DLG1: variants seen among roughly 807,000 people sequenced by gnomAD.
DLG1 encodes the protein discs large MAGUK scaffold protein 1.
DLG1 carries 42 observed loss-of-function variants against 123.4 expected under a neutral mutation model. That is an observed-to-expected ratio of 0.34 (90% CI 0.27 to 0.44). The LOEUF (loss-of-function observed/expected upper bound fraction) is 0.44, where lower values mean the gene tolerates loss of function less well. Among genes scored for constraint, DLG1 ranks in the 20% least tolerant of loss-of-function variants. The pLI, the probability that DLG1 is intolerant of heterozygous loss-of-function variation, is 1.00. For missense variants in DLG1, 942 were observed against 1,082.6 expected (o/e 0.87, Z 1.82); for synonymous variants, 317 against 356.2 (o/e 0.89, Z 1.24).
chr3:197,170,226 G>A lies in DLG1; in HGVS notation c.484-20430C>T, dbSNP rs575645720. Among the ~76,000 whole-genome samples the A allele has an allele frequency of 2.6e-5, 4 of 152,250 alleles. No homozygotes were observed. The East Asian group carries it at 5.8e-4, about 22-fold the overall frequency. ...GAATAGTGCTGCAATGAACCTAAGC[G>A]TTCATGTCTTTATAACAGAACAATT... On this transcript the variant is annotated intron_variant, in intron 5 of 24. Coordinates refer to ENST00000667157, the MANE Select transcript of DLG1 (RefSeq NM_001366207.1).
chr3:197,097,580 C>CTTTTTTTTTTTTTTTTT (rs3051908), intron 14 of DLG1, among the ~76,000 whole-genome samples: 2 of 122,856 alleles, frequency 1.6e-5, no homozygotes, highest in Admixed American at 8.9e-5. Context: ...TTTGTACTTT[C>CTTTTTTTTTTTTTTTTT]TTTTTTTTTT....
chr3:197,112,734 G>A (rs1770804117), intron 13 of DLG1, among the ~76,000 whole-genome samples: 1 of 151,872 alleles, frequency 6.6e-6, no homozygotes, highest in African/African-American at 2.4e-5. Flanking sequence ...GGGACTACAA[G>A]TGCCCACTAC....
intron 3 of DLG1, among the ~76,000 whole-genome samples, chr3:197,285,229 G>A (rs1771283520): frequency 6.6e-6 from 1 of 152,050 alleles, no homozygotes; most frequent in Non-Finnish European, 1.5e-5. Context: ...TGGGAGAAAG[G>A]GAACTTTCAA....
chr3:197,065,755 T>C lies in DLG1; in HGVS notation c.2153A>G (p.Asp718Gly). ...ILGPMKDRIN[D>G]DLISEFPDKF... ...GTCAGGAAATTCTGAGATCAAGTCA[T>C]CATTTATCCTGTCTTTCATAGGTCC... The change falls in exon 21 of 25, where the codon GAT becomes GGT. Residue 718 changes from aspartate (D) to glycine (G), a missense_variant. Coordinates refer to ENST00000667157, the MANE Select transcript of DLG1 (RefSeq NM_001366207.1). 6.2e-7 allele frequency: 1 copy of C among 1,612,762 alleles called. No individual in the cohort carries two copies. The highest frequency in any genetic ancestry group is 8.5e-7 in the Non-Finnish European group (1 of 1,179,204).
intron 24 of DLG1, among the ~76,000 whole-genome samples, chr3:197,047,070 C>A (rs1260064467): frequency 3.9e-5 from 6 of 152,064 alleles, no homozygotes; most frequent in Non-Finnish European, 1.5e-5. Flanking sequence ...CTGGATCCTG[C>A]ACCAGAACAG....
At position 197,297,211 on chromosome 3, in the gene DLG1, C is replaced by T. The variant is rs1777861903; in HGVS notation, c.-7G>A. ...CTTGCTTCCGGACCGGCATTTTTCT[C>T]CAGAATCAGGAAGAGGGCACACACC... On this transcript the variant is annotated 5_prime_UTR_variant, in exon 2 of 25. Coordinates refer to ENST00000667157, the MANE Select transcript of DLG1 (RefSeq NM_001366207.1). 1 of 1,614,036 alleles carries T rather than the reference C, an allele frequency of 6.2e-7. No individual in the cohort carries two copies. Among genetic ancestry groups the T allele is most frequent in the Non-Finnish European group, 8.5e-7 (1 of 1,180,012 alleles).
intron 4 of DLG1, among the ~76,000 whole-genome samples, chr3:197,258,805 T>C (rs1758042783): frequency 6.6e-6 from 1 of 152,340 alleles, no homozygotes; most frequent in African/African-American, 2.4e-5. Context: ...AAAGGGTTTA[T>C]TTCTAATAAT....
chr3:197,255,075 C>A (rs910719938), intron 4 of DLG1, among the ~76,000 whole-genome samples: 4 of 151,850 alleles, frequency 2.6e-5, no homozygotes, highest in African/African-American at 9.7e-5. Context: ...AAATCTATGA[C>A]CTGTTCAAGC....
chr3:197,163,567 G>A (rs1799746570), intron 5 of DLG1, among the ~76,000 whole-genome samples: 1 of 150,630 alleles, frequency 6.6e-6, no homozygotes, highest in Non-Finnish European at 1.5e-5. Context: ...CTGTTGCCCA[G>A]GCTGGAGTGC....
chr3:197,138,189 T>G (rs369834793), intron 9 of DLG1, 33 bp downstream of exon 9: 2 of 1,349,364 alleles, frequency 1.5e-6, no homozygotes, highest in Non-Finnish European at 9.9e-7. Flanking sequence ...AGAGATTTCT[T>G]AAAGATTTAT....
intron 6 of DLG1, among the ~76,000 whole-genome samples, chr3:197,149,263 G>A (rs1417888142): frequency 6.6e-6 from 1 of 151,906 alleles, no homozygotes; most frequent in Non-Finnish European, 1.5e-5. Context: ...CAGTAACTAT[G>A]GATTTATCTA....
intron 13 of DLG1, among the ~76,000 whole-genome samples, chr3:197,105,369 G>A (rs1004336713): frequency 1.3e-5 from 2 of 152,168 alleles, no homozygotes; most frequent in Non-Finnish European, 2.9e-5. Context: ...GGGAGGGAAA[G>A]TCATTTTGCT....
intron 4 of DLG1, among the ~76,000 whole-genome samples, chr3:197,252,013 C>T (rs1754674504): frequency 6.6e-6 from 1 of 152,096 alleles, no homozygotes; most frequent in Non-Finnish European, 1.5e-5. Context: ...CTGTACAGAA[C>T]AGTCTTTTCT....
chr3:197,286,763 G>A (rs1231857987), intron 3 of DLG1, among the ~76,000 whole-genome samples: 1 of 152,180 alleles, frequency 6.6e-6, no homozygotes, highest in East Asian at 1.9e-4. Flanking sequence ...TTTTGAGACA[G>A]GGTCACTCAG....
intron 22 of DLG1, among the ~76,000 whole-genome samples, chr3:197,063,620 T>C (rs899722507): frequency 1.3e-5 from 2 of 152,256 alleles, no homozygotes; most frequent in African/African-American, 4.8e-5. Context: ...ATCACTTTTA[T>C]CTGGGCATTT....
intron 5 of DLG1, among the ~76,000 whole-genome samples, chr3:197,164,360 G>C (rs185964811): frequency 1.3e-5 from 2 of 152,030 alleles, no homozygotes; most frequent in African/African-American, 4.8e-5. Flanking sequence ...TTGCGCCATT[G>C]CACTCCAGCC....
Position 197,161,617 on chromosome 3 carries a change from A to G in DLG1, c.484-11821T>C. 5 of 1,324,958 alleles carry G rather than the reference A, an allele frequency of 3.8e-6. No individual in the cohort carries two copies. In the South Asian group the frequency reaches 8.3e-5, roughly 22 times the overall value. The allele number at this position is 1,324,958 out of a possible 1,614,324, so 82.1% of individuals were successfully genotyped here. On this transcript the variant is annotated intron_variant, in intron 5 of 24. Transcript: ENST00000667157. ...TTAAAAGCAAATGAAATTTTTATAA[A>G]GAAAAAAGAAACTAATAAAAACCTG...
chr3:197,139,493 T>C (rs1247007041), intron 8 of DLG1, among the ~76,000 whole-genome samples: 1 of 152,164 alleles, frequency 6.6e-6, no homozygotes, highest in Non-Finnish European at 1.5e-5. Context: ...CTTCAGGGTA[T>C]TTGAACAACA....
At chr3:197,230,143 T>C (rs928879240) in intron 4 of DLG1, among the ~76,000 whole-genome samples, 5 of 152,192 alleles carry the variant, frequency 3.3e-5, no homozygotes, top group African/African-American at 1.2e-4. Flanking sequence ...CTAATCTGTT[T>C]AAATTGGATT....
Sources: gnomAD v4.1 joint callset for allele counts (sites outside exome capture counted in the v4.1 genomes callset) on GRCh38, gnomAD v4.1.1 for gene constraint, MANE v1.5 for transcripts, NCBI Gene and HGNC (gene_info 2026-07-23, HGNC 2026-07-21) for gene names.